GSK3B: variants seen among roughly 807,000 people sequenced by gnomAD.
GSK3B encodes glycogen synthase kinase 3 beta.
Under a neutral mutation model 56.4 loss-of-function variants are expected in GSK3B, and 15 were observed. That is an observed-to-expected ratio of 0.27 (90% confidence interval 0.18 to 0.41). The LOEUF (loss-of-function observed/expected upper bound fraction) is 0.41. Ranked by LOEUF, GSK3B falls within the 10% of genes least tolerant of loss-of-function variation. The probability of loss-of-function intolerance (pLI) is 1.00; values close to 1 mark genes in which losing one functional copy is unlikely to be tolerated. For missense variants in GSK3B, 300 were observed against 513.4 expected (o/e 0.58, Z 4.02); for synonymous variants, 181 against 188.9 (o/e 0.96, Z 0.34).
At chr3:119,982,950 C>T (rs1282772419) in intron 2 of GSK3B, among the ~76,000 whole-genome samples, 1 of 152,096 alleles carries the variant, frequency 6.6e-6, no homozygotes, top group African/African-American at 2.4e-5. Context: ...TTAAGGGCAG[C>T]CATAGAGAAA....
intron 9 of GSK3B, among the ~76,000 whole-genome samples, chr3:119,844,002 A>G (rs2055818237): frequency 6.6e-6 from 1 of 152,210 alleles, no homozygotes. Flanking sequence ...TCAAATTACA[A>G]CTCAGGATTA....
chr3:119,987,209 G>A (rs555002914), intron 2 of GSK3B, among the ~76,000 whole-genome samples: 1 of 152,260 alleles, frequency 6.6e-6, no homozygotes, highest in East Asian at 1.9e-4. Flanking sequence ...GATAGCATTA[G>A]GAGAAATACC....
chr3:119,989,225 G>A (rs551350094), intron 2 of GSK3B, among the ~76,000 whole-genome samples: 1 of 151,918 alleles, frequency 6.6e-6, no homozygotes, highest in Non-Finnish European at 1.5e-5. Context: ...CGGAACCCAG[G>A]GTAATTAAAA....
intron 4 of GSK3B, among the ~76,000 whole-genome samples, chr3:119,917,278 C>G (rs1321455259): frequency 1.3e-5 from 2 of 152,128 alleles, no homozygotes; most frequent in Non-Finnish European, 2.9e-5. Flanking sequence ...AAACTGCAGA[C>G]AGCTGAATTT....
At chr3:119,845,561 T>C (rs181088833) in intron 9 of GSK3B, among the ~76,000 whole-genome samples, 237 of 152,124 alleles carry the variant, frequency 1.6e-3, no homozygotes, top group Middle Eastern at 3.4e-3. Context: ...CCATTCACAA[T>C]TGCTACAAAA....
chr3:119,917,023 T>A (rs1576197364), intron 4 of GSK3B, among the ~76,000 whole-genome samples: 2 of 152,172 alleles, frequency 1.3e-5, no homozygotes, highest in East Asian at 3.9e-4. Flanking sequence ...GTGTTCTGAT[T>A]CACTTTTAAA....
At chr3:120,051,535 G>A (rs1039420650) in intron 1 of GSK3B, among the ~76,000 whole-genome samples, 1 of 152,204 alleles carries the variant, frequency 6.6e-6, no homozygotes, top group Non-Finnish European at 1.5e-5. Flanking sequence ...GGAAGGCTGA[G>A]GCGGGTGTAT....
chr3:120,036,654 A>C (rs2058025440), intron 1 of GSK3B, among the ~76,000 whole-genome samples: 1 of 152,032 alleles, frequency 6.6e-6, no homozygotes, highest in African/African-American at 2.4e-5. Context: ...TTAGGTGGGC[A>C]TGGTGGCGGG....
chr3:119,943,661 C>A (rs1431208059), intron 3 of GSK3B, among the ~76,000 whole-genome samples: 1 of 151,684 alleles, frequency 6.6e-6, no homozygotes, highest in Non-Finnish European at 1.5e-5. Flanking sequence ...TAGAAGCAAT[C>A]AGAAAGAGAG....
intron 7 of GSK3B, among the ~76,000 whole-genome samples, chr3:119,894,570 A>G (rs1326348305): frequency 1.3e-5 from 2 of 152,032 alleles, no homozygotes; most frequent in African/African-American, 2.4e-5. Context: ...AGAAGTGTCT[A>G]TGCCGATTCT....
chr3:119,853,556 T>A (rs183483965), intron 9 of GSK3B, among the ~76,000 whole-genome samples: 2 of 152,056 alleles, frequency 1.3e-5, no homozygotes, highest in African/African-American at 4.8e-5. Context: ...TCCATGAGCA[T>A]GGAATGTTCT....
intron 9 of GSK3B, among the ~76,000 whole-genome samples, chr3:119,850,968 G>A (rs2055922700): frequency 1.3e-5 from 2 of 152,072 alleles, no homozygotes; most frequent in Admixed American, 1.3e-4. Flanking sequence ...TAGAGACATG[G>A]TTTAAAACAA....
intron 1 of GSK3B, among the ~76,000 whole-genome samples, chr3:120,055,431 A>T (rs2058184201): frequency 6.6e-6 from 1 of 152,200 alleles, no homozygotes; most frequent in African/African-American, 2.4e-5. Context: ...TCATATTCAA[A>T]GCGACAAAAT....
At chr3:119,923,202 C>T (rs1441291481) in intron 4 of GSK3B, among the ~76,000 whole-genome samples, 171 bp downstream of exon 4, 1 of 152,110 alleles carries the variant, frequency 6.6e-6, no homozygotes, top group Non-Finnish European at 1.5e-5. Context: ...AAAAGGTGCA[C>T]AATTCACATT....
chr3:119,972,100 A>G (rs78027849), intron 2 of GSK3B, among the ~76,000 whole-genome samples: 3,932 of 152,294 alleles, frequency 0.026, 172 homozygotes, highest in African/African-American at 0.089. Context: ...CAACTTTACT[A>G]AATGTTTAGT....
chr3:120,086,698 G>A (rs2058465900), intron 1 of GSK3B, among the ~76,000 whole-genome samples: 1 of 152,082 alleles, frequency 6.6e-6, no homozygotes, highest in Non-Finnish European at 1.5e-5. Context: ...CAGAGGTTGA[G>A]GTTAAAAGAT....
At chr3:120,033,859 A>C (rs2057999425) in intron 1 of GSK3B, among the ~76,000 whole-genome samples, 1 of 152,142 alleles carries the variant, frequency 6.6e-6, no homozygotes. Context: ...ACCATGATTT[A>C]AGTTTCCTGA....
At chr3:119,922,177 G>A (rs1355206037) in intron 4 of GSK3B, among the ~76,000 whole-genome samples, 2 of 130,252 alleles carry the variant, frequency 1.5e-5, no homozygotes, top group Non-Finnish European at 3.0e-5. Context: ...GGTAGGTTAG[G>A]TAGGTAGGTA....
At chr3:119,852,942 T>G (rs1029806613) in intron 9 of GSK3B, among the ~76,000 whole-genome samples, 4 of 152,202 alleles carry the variant, frequency 2.6e-5, no homozygotes, top group African/African-American at 9.7e-5. Flanking sequence ...ATCCCATTTG[T>G]CTATTTTGGC....
Sources: gnomAD v4.1 joint callset for allele counts (sites outside exome capture counted in the v4.1 genomes callset) on GRCh38, gnomAD v4.1.1 for gene constraint, MANE v1.5 for transcripts, NCBI Gene and HGNC (gene_info 2026-07-23, HGNC 2026-07-21) for gene names.